Variants in GRID1 observed in about 807,000 individuals in gnomAD.
The protein encoded by GRID1 is glutamate receptor ionotropic, delta-1.
Under a neutral mutation model 98.0 loss-of-function variants are expected in GRID1, and 28 were observed. That is an observed-to-expected ratio of 0.29 (90% CI 0.21 to 0.39). The LOEUF is 0.39. Ranked by LOEUF, GRID1 falls within the 10% of genes least tolerant of loss-of-function variation. The probability of loss-of-function intolerance (pLI) is 1.00; values close to 1 mark genes in which losing one functional copy is unlikely to be tolerated. For missense variants in GRID1, 1,111 were observed against 1,340.5 expected, an observed-to-expected ratio of 0.83 and a Z score of 2.67; for synonymous variants, 553 against 538.5, an observed-to-expected ratio of 1.03 and a Z score of -0.37.
rs187321880 is a variant in GRID1, at chr10:85,720,256, C to T, written c.1997+2747G>A. ...GTGTTCTGTTAATTTTTCAGTTAGT[C>T]GATTTGCTCTGAATACAATTCTGAA... On this transcript the variant is annotated intron_variant, in intron 12 of 15. Transcript: ENST00000327946. 2.1e-3 allele frequency among the ~76,000 whole-genome samples: 316 copies of T among 151,980 alleles called. 2 individuals are homozygous for T. Among genetic ancestry groups the T allele is most frequent in the African/African-American group, 7.0e-3 (292 of 41,444 alleles).
In GRID1 at chr10:86,222,756, G is replaced by T. The variant is rs557278777; in HGVS notation, c.236-16108C>A. On this transcript the variant is annotated intron_variant, in intron 2 of 15. Coordinates refer to ENST00000327946, the MANE Select transcript of GRID1 (RefSeq NM_017551.3). ...CTGCATTATGCCATTCCCCAAGTTG[G>T]AGTGGACACAAGTCACAGAGCCCGA... Among the ~76,000 whole-genome samples the T allele has an allele frequency of 2.6e-5, 4 of 152,294 alleles. No homozygotes were observed. In the South Asian group the frequency reaches 8.3e-4, roughly 32 times the overall value.
chr10:85,990,863 A>G (rs12773504), intron 4 of GRID1, among the ~76,000 whole-genome samples: 21,261 of 151,020 alleles, frequency 0.14, 1,595 homozygotes, highest in East Asian at 0.18. Flanking sequence ...AAATATAAAG[A>G]CTTTTTTTTT....
chr10:85,771,695 T>C (rs1187087505), intron 8 of GRID1, among the ~76,000 whole-genome samples: 1 of 152,200 alleles, frequency 6.6e-6, no homozygotes, highest in Non-Finnish European at 1.5e-5. Context: ...AAACAGACTT[T>C]AAACCAGCAA....
chr10:85,625,435 C>A (rs1450860504), intron 13 of GRID1, among the ~76,000 whole-genome samples: 1 of 152,204 alleles, frequency 6.6e-6, no homozygotes, highest in African/African-American at 2.4e-5. Context: ...ATTTCATTCT[C>A]CGCTTTTCCT....
At chr10:86,291,081 G>A (rs1047641549) in intron 2 of GRID1, among the ~76,000 whole-genome samples, 13 of 152,330 alleles carry the variant, frequency 8.5e-5, no homozygotes, top group Middle Eastern at 3.4e-3. Flanking sequence ...GGAAGTCTGC[G>A]CTGCTCTGCT....
chr10:86,089,816 G>GGCT (rs1844118888), intron 4 of GRID1, among the ~76,000 whole-genome samples: 1 of 151,280 alleles, frequency 6.6e-6, no homozygotes, highest in Admixed American at 6.6e-5. Flanking sequence ...GCGTGATCTC[G>GGCT]GCTCACTGCA....
At chr10:86,126,116 T>C (rs974985418) in intron 4 of GRID1, among the ~76,000 whole-genome samples, 6 of 152,048 alleles carry the variant, frequency 3.9e-5, no homozygotes, top group African/African-American at 1.4e-4. Context: ...AGAAGGATGT[T>C]GGAATCACAG....
chr10:85,833,834 C>T (rs905977936), intron 8 of GRID1, among the ~76,000 whole-genome samples: 8 of 151,946 alleles, frequency 5.3e-5, no homozygotes, highest in Non-Finnish European at 7.4e-5. Context: ...ATAACTAAAA[C>T]GAAACACTCA....
intron 2 of GRID1, among the ~76,000 whole-genome samples, chr10:86,322,414 C>T (rs906639891): frequency 3.3e-5 from 5 of 152,010 alleles, no homozygotes; most frequent in Admixed American, 1.3e-4. Flanking sequence ...TTGTTGTTGT[C>T]GTTGTTGTTG....
chr10:86,015,879 C>T (rs891846067), intron 4 of GRID1, among the ~76,000 whole-genome samples: 2 of 152,092 alleles, frequency 1.3e-5, no homozygotes, highest in Non-Finnish European at 2.9e-5. Flanking sequence ...AAAGCAGGAG[C>T]TGGAGTCATT....
chr10:85,641,504 T>C (rs764097710), intron 13 of GRID1, among the ~76,000 whole-genome samples: 4 of 152,098 alleles, frequency 2.6e-5, no homozygotes, highest in African/African-American at 4.8e-5. Context: ...TGGAAACACA[T>C]TGAGGTGTAG....
intron 8 of GRID1, among the ~76,000 whole-genome samples, chr10:85,794,760 T>C (rs1842510582): frequency 6.6e-6 from 1 of 152,218 alleles, no homozygotes; most frequent in Non-Finnish European, 1.5e-5. Flanking sequence ...AGGCAGCTGA[T>C]GTGGAGATAA....
intron 4 of GRID1, among the ~76,000 whole-genome samples, chr10:85,973,788 C>T (rs903285459): frequency 6.6e-6 from 1 of 152,140 alleles, no homozygotes; most frequent in South Asian, 2.1e-4. Context: ...ATTAAGTCTC[C>T]TTGATTATTC....
At chr10:85,775,691 A>C (rs1168653673) in intron 8 of GRID1, among the ~76,000 whole-genome samples, 1 of 152,194 alleles carries the variant, frequency 6.6e-6, no homozygotes, top group Non-Finnish European at 1.5e-5. Flanking sequence ...ATCTAAAATA[A>C]TAGTTGAAAT....
rs1846024947 is a variant in GRID1 at position 86,206,355 on chromosome 10, A to G, written c.520+9T>C. On this transcript the variant is annotated intron_variant, in intron 3 of 15. Transcript: ENST00000327946. The surrounding 1 kb of genome is among the most constrained non-coding windows in gnomAD (Gnocchi z 4.1). ...CAAGCAGCCCCAGCTCGCCTGCCGG[A>G]CAACTCACCATACTCGCTGTCGTAG... 1.3e-6 allele frequency: 2 copies of G among 1,583,938 alleles called. No homozygotes were observed. Among genetic ancestry groups the G allele is most frequent in the South Asian group, 1.2e-5 (1 of 86,492 alleles).
intron 4 of GRID1, among the ~76,000 whole-genome samples, chr10:86,004,812 C>T (rs1248745195): frequency 2.0e-5 from 3 of 152,064 alleles, no homozygotes; most frequent in African/African-American, 7.2e-5. Context: ...CCAGCGCTTG[C>T]CCAGTATTGC....
chr10:86,361,798 G>A (rs1443882624), intron 2 of GRID1, among the ~76,000 whole-genome samples: 2 of 152,148 alleles, frequency 1.3e-5, no homozygotes, highest in Non-Finnish European at 2.9e-5. Flanking sequence ...GGATTTTCAC[G>A]CCCAATGGCA....
chr10:86,346,347 G>A (rs571540526), intron 2 of GRID1, among the ~76,000 whole-genome samples: 3 of 152,318 alleles, frequency 2.0e-5, no homozygotes, highest in East Asian at 1.9e-4. Flanking sequence ...AACCATAACC[G>A]ATTAAGTAGG....
intron 4 of GRID1, among the ~76,000 whole-genome samples, chr10:86,086,835 T>C (rs1844066298): frequency 6.6e-6 from 1 of 152,126 alleles, no homozygotes; most frequent in Non-Finnish European, 1.5e-5. Context: ...ACTTTGAAAG[T>C]CCAGGAGCTC....
Sources: gnomAD v4.1 joint callset for allele counts (sites outside exome capture counted in the v4.1 genomes callset) on GRCh38, gnomAD v4.1.1 for gene constraint, Gnocchi (gnomAD v3.1) non-coding constraint, MANE v1.5 for transcripts, NCBI Gene and HGNC (gene_info 2026-07-23, HGNC 2026-07-21) for gene names.